Variants in BCAS3 observed in about 807,000 individuals in gnomAD.
BCAS3 encodes the protein BCAS3 microtubule associated cell migration factor.
A neutral mutation model predicts 116.1 loss-of-function variants in BCAS3; 53 were observed. The observed-to-expected ratio is 0.46, with a 90% confidence interval of 0.37 to 0.57. The LOEUF (loss-of-function observed/expected upper bound fraction) is 0.57. BCAS3 is among the 20% of genes least tolerant of loss of function. The pLI is 0.00. For synonymous variants in BCAS3, 391 were observed against 408.2 expected (o/e 0.96, Z 0.51); for missense variants, 917 against 1,165.4 (o/e 0.79, Z 3.10).
chr17:61,298,010 T>C (rs1277669564), intron 22 of BCAS3, among the ~76,000 whole-genome samples: 1 of 152,206 alleles, frequency 6.6e-6, no homozygotes, highest in Non-Finnish European at 1.5e-5. Flanking sequence ...TAGCTTTTTG[T>C]GGGGCCTTGG....
intron 22 of BCAS3, among the ~76,000 whole-genome samples, chr17:61,163,241 G>C (rs915289475): frequency 7.2e-5 from 11 of 152,024 alleles, no homozygotes; most frequent in African/African-American, 2.7e-4. Flanking sequence ...TGGCTAACAC[G>C]GTGAAACCCA....
intron 14 of BCAS3, among the ~76,000 whole-genome samples, chr17:60,948,937 T>C (rs373621722): frequency 4.0e-5 from 6 of 151,274 alleles, no homozygotes; most frequent in East Asian, 2.0e-4. Flanking sequence ...AGTGCAGTGG[T>C]ATGATCTCGG....
At position 61,381,958 on chromosome 17, in the gene BCAS3, A is replaced by G. The variant is rs376534497; in HGVS notation, c.2594-10019A>G. On this transcript the variant is annotated intron_variant, in intron 23 of 23. Coordinates refer to ENST00000407086, the MANE Select transcript of BCAS3 (RefSeq NM_017679.5). The surrounding 1 kb of genome is among the most constrained non-coding windows in gnomAD (Gnocchi z 6.0). ...CTTCATTGGTCTCTGGGTAGCAGCC[A>G]CAGCCGCAATAAGTCATTAACTTTC... 1.3e-5 allele frequency among the ~76,000 whole-genome samples: 2 copies of G among 152,222 alleles called. No homozygotes were observed. The highest frequency in any genetic ancestry group is 2.9e-5 in the Non-Finnish European group (2 of 68,048).
chr17:60,903,987 G>A (rs558244671), intron 11 of BCAS3, among the ~76,000 whole-genome samples: 1 of 152,270 alleles, frequency 6.6e-6, no homozygotes, highest in East Asian at 1.9e-4. Context: ...ATGGAATGGA[G>A]GATAACTTTT....
intron 5 of BCAS3, among the ~76,000 whole-genome samples, chr17:60,722,702 A>G (rs2039374134): frequency 6.7e-6 from 1 of 150,364 alleles, no homozygotes; most frequent in East Asian, 2.0e-4. Context: ...TGGAGGTTGC[A>G]GTGAGCCGAG....
In BCAS3 at chr17:61,008,260, C is replaced by T. The variant is rs1049999957; in HGVS notation, c.1487-7491C>T. 6.6e-6 allele frequency among the ~76,000 whole-genome samples: 1 copy of T among 151,856 alleles called. No homozygotes were observed. The highest frequency in any genetic ancestry group is 6.6e-5 in the Admixed American group (1 of 15,222). ...AAAGGTCATAAAGGAGGGTGAAAGT[C>T]CTGGAACTGCAGCTGGGAAGCTTGA... is the stretch of plus-strand genomic sequence containing the variant. On this transcript the variant is annotated intron_variant, in intron 15 of 23. Transcript: ENST00000407086. The surrounding 1 kb of genome is among the most constrained non-coding windows in gnomAD (Gnocchi z 4.6).
At chr17:60,822,896 TG>T (rs1418945778) in intron 7 of BCAS3, among the ~76,000 whole-genome samples, 1 of 152,198 alleles carries the variant, frequency 6.6e-6, no homozygotes, top group Non-Finnish European at 1.5e-5. Context: ...TTATCATATG[TG>T]GGTGAAATAC....
rs993341660 is a variant in BCAS3 at position 61,388,116 on chromosome 17, A to G, written c.2594-3861A>G. Among the ~76,000 whole-genome samples the G allele has an allele frequency of 2.0e-5, 3 of 152,158 alleles. No individual in the cohort carries two copies. The highest frequency in any genetic ancestry group is 2.9e-5 in the Non-Finnish European group (2 of 68,018). ...CAGGTTCCTGATGGACTTCCCCAACAGGTCCACCTCAACCGCAGGACAGCT... is the reference window on the plus strand; with the variant it reads ...CAGGTTCCTGATGGACTTCCCCAACGGGTCCACCTCAACCGCAGGACAGCT... On this transcript the variant is annotated intron_variant, in intron 23 of 23. Transcript: ENST00000407086. The surrounding 1 kb of genome is among the most constrained non-coding windows in gnomAD (Gnocchi z 6.5).
intron 7 of BCAS3, among the ~76,000 whole-genome samples, chr17:60,862,281 A>AAAAC (rs1282568278): frequency 6.6e-5 from 10 of 152,154 alleles, no homozygotes; most frequent in Admixed American, 4.6e-4. Context: ...ACTCTGTCTC[A>AAAAC]AAACAAACAA....
intron 22 of BCAS3, among the ~76,000 whole-genome samples, chr17:61,116,978 G>A (rs958243029): frequency 1.3e-5 from 2 of 152,010 alleles, no homozygotes; most frequent in African/African-American, 4.8e-5. Flanking sequence ...GGCTTCTTTG[G>A]AAGTTTCCTG....
In BCAS3 at chr17:60,840,044, TA is replaced by T. The variant is rs571860880; in HGVS notation, c.477-28522del. Among the ~76,000 whole-genome samples the T allele has an allele frequency of 2.8e-3, 408 of 146,744 alleles. 1 individual carries two copies. The highest frequency in any genetic ancestry group is 9.5e-3 in the African/African-American group (382 of 40,278). On this transcript the variant is annotated intron_variant, in intron 7 of 23. Coordinates refer to ENST00000407086, the MANE Select transcript of BCAS3 (RefSeq NM_017679.5). ...TAAAGTGATGTTCATTGTATTGCAT[TA>T]AAAAAAAAACCCTCTATTTTGAAAA...
intron 22 of BCAS3, among the ~76,000 whole-genome samples, chr17:61,274,377 C>G (rs923983795): frequency 1.1e-4 from 17 of 150,312 alleles, no homozygotes; most frequent in African/African-American, 3.9e-4. Context: ...CAACCTCTGC[C>G]TCCTGGGTTC....
intron 22 of BCAS3, among the ~76,000 whole-genome samples, chr17:61,254,775 C>CAAAAAAAAAAAAAAAA (rs1340052291): frequency 1.4e-3 from 1 of 706 alleles, no homozygotes; most frequent in Non-Finnish European, 3.9e-3. Flanking sequence ...GACTCCGTCT[C>CAAAAAAAAAAAAAAAA]AGAAAAAAAA....
intron 6 of BCAS3, among the ~76,000 whole-genome samples, chr17:60,775,148 A>G (rs2045148861): frequency 6.6e-6 from 1 of 152,236 alleles, no homozygotes; most frequent in Non-Finnish European, 1.5e-5. Context: ...TTAAGTTTCA[A>G]ACACTTTGAA....
intron 7 of BCAS3, among the ~76,000 whole-genome samples, chr17:60,843,454 G>A (rs1245953559): frequency 6.6e-6 from 1 of 152,030 alleles, no homozygotes; most frequent in Non-Finnish European, 1.5e-5. Flanking sequence ...CCTGATCTCA[G>A]GTGATCCACC....
At chr17:61,225,820 T>TAGTGATGTAGTACTA (rs2082342179) in intron 22 of BCAS3, among the ~76,000 whole-genome samples, 1 of 152,206 alleles carries the variant, frequency 6.6e-6, no homozygotes, top group African/African-American at 2.4e-5. Context: ...CCTAAAATCT[T>TAGTGATGTAGTACTA]AGTGATGTAG....
chr17:61,069,903 C>A (rs1287939929), intron 19 of BCAS3: 9 of 1,385,670 alleles, frequency 6.5e-6, no homozygotes, highest in Non-Finnish European at 9.1e-6. Context: ...AAGCTCCTGC[C>A]CCTCCTAAAG....
At position 60,993,882 on chromosome 17, in the gene BCAS3, A is replaced by AT. The variant is rs1395951961; in HGVS notation, c.1486+3654dup. Among the ~76,000 whole-genome samples the AT allele has an allele frequency of 2.6e-5, 4 of 152,046 alleles. No individual in the cohort carries two copies. Among genetic ancestry groups the AT allele is most frequent in the Non-Finnish European group, 5.9e-5 (4 of 67,976 alleles). The stretch of plus-strand genomic sequence containing the variant: ...TTAGGATTATTTTATCTATTTGCCA[A>AT]TTTTTTTAACTTTCCAGAGGATGTT... On this transcript the variant is annotated intron_variant, in intron 15 of 23. Coordinates refer to ENST00000407086, the MANE Select transcript of BCAS3 (RefSeq NM_017679.5). This position sits in a 1 kb window ranked among gnomAD's most constrained non-coding sequence, Gnocchi z 4.2.
chr17:60,871,875 C>T (rs1471593700), intron 8 of BCAS3, among the ~76,000 whole-genome samples: 1 of 151,768 alleles, frequency 6.6e-6, no homozygotes, highest in Non-Finnish European at 1.5e-5. Context: ...TCATTAGACC[C>T]TTAGGAAGGT....
Sources: gnomAD v4.1 joint callset for allele counts (sites outside exome capture counted in the v4.1 genomes callset) on GRCh38, gnomAD v4.1.1 for gene constraint, Gnocchi (gnomAD v3.1) non-coding constraint, MANE v1.5 for transcripts, NCBI Gene and HGNC (gene_info 2026-07-23, HGNC 2026-07-21) for gene names.